NTRK2: variants seen among roughly 807,000 people sequenced by gnomAD.
NTRK2 encodes the protein neurotrophic receptor tyrosine kinase 2.
In NTRK2, 13 loss-of-function variants were observed where a neutral mutation model predicts 94.5. The ratio of observed to expected loss-of-function variants is 0.14; its 90% CI spans 0.09 to 0.22. The LOEUF is 0.22. Ranked by LOEUF, NTRK2 falls within the 10% of genes least tolerant of loss-of-function variation. NTRK2 has a pLI of 1.00. For synonymous variants in NTRK2, 372 were observed against 407.4 expected (o/e 0.91, Z 1.05); for missense variants, 639 against 1,071.2 (o/e 0.60, Z 5.63).
rs112510900 is a variant in NTRK2, at chr9:84,759,380, G to A, written c.1396+7295G>A. 8.1e-3 allele frequency among the ~76,000 whole-genome samples: 1,239 copies of A among 152,352 alleles called. 20 individuals are homozygous for A. Among genetic ancestry groups the A allele is most frequent in the East Asian group, 0.044 (227 of 5,184 alleles). On this transcript the variant is annotated intron_variant, in intron 12 of 18. Transcript: ENST00000277120. ...TTGGCTAGAGTAGCCCAGACAGGAA[G>A]CAAAAGAATCGGCATCTCTGCCTTT...
At chr9:84,942,341 T>G (rs922157157) in intron 15 of NTRK2, among the ~76,000 whole-genome samples, 1 of 152,240 alleles carries the variant, frequency 6.6e-6, no homozygotes, top group Non-Finnish European at 1.5e-5. Context: ...TAGAAAAGAT[T>G]CTGTCGTTAG....
chr9:84,813,995 C>T (rs2072102064), intron 12 of NTRK2: 1 of 1,065,180 alleles, frequency 9.4e-7, no homozygotes, highest in Non-Finnish European at 1.1e-6. Flanking sequence ...AAAGTACAAA[C>T]AGTCTGAGGC....
At chr9:84,739,309 C>A (rs1466312259) in intron 9 of NTRK2, among the ~76,000 whole-genome samples, 1 of 152,190 alleles carries the variant, frequency 6.6e-6, no homozygotes, top group Non-Finnish European at 1.5e-5. Flanking sequence ...CCTTGGCCTC[C>A]CAAAGTGTTG....
chr9:84,771,325 C>T (rs1044360171), intron 12 of NTRK2, among the ~76,000 whole-genome samples: 1 of 152,192 alleles, frequency 6.6e-6, no homozygotes, highest in African/African-American at 2.4e-5. Flanking sequence ...TAGAAAATGA[C>T]TTCCTCGGCC....
chr9:84,795,080 C>T (rs908076008), intron 12 of NTRK2, among the ~76,000 whole-genome samples: 7 of 152,110 alleles, frequency 4.6e-5, no homozygotes, highest in Non-Finnish European at 5.9e-5. Flanking sequence ...TAGTCGTTTC[C>T]AGGTGAATTG....
chr9:84,917,655 C>A (rs970921048), intron 14 of NTRK2, among the ~76,000 whole-genome samples: 4 of 152,156 alleles, frequency 2.6e-5, no homozygotes, highest in Admixed American at 6.5e-5. Flanking sequence ...TTTCCAAGAG[C>A]AGGCAGCCTA....
At chr9:84,957,222 G>A (rs1046439834) in intron 17 of NTRK2, among the ~76,000 whole-genome samples, 1 of 152,202 alleles carries the variant, frequency 6.6e-6, no homozygotes, top group African/African-American at 2.4e-5. Flanking sequence ...TGCAGTATTA[G>A]TAAAGGGTTC....
intron 17 of NTRK2, among the ~76,000 whole-genome samples, chr9:85,004,117 A>G (rs1200057035): frequency 6.7e-6 from 1 of 149,922 alleles, no homozygotes; most frequent in African/African-American, 2.5e-5. Flanking sequence ...GGAGGAAGGG[A>G]GTGAGGAAGG....
At chr9:84,770,410 T>C (rs2066439913) in intron 12 of NTRK2, among the ~76,000 whole-genome samples, 1 of 152,078 alleles carries the variant, frequency 6.6e-6, no homozygotes, top group Admixed American at 6.6e-5. Context: ...GAGGCTGAGA[T>C]TTCACCTGAA....
intron 14 of NTRK2, among the ~76,000 whole-genome samples, chr9:84,914,708 G>A (rs1390627929): frequency 6.6e-6 from 1 of 152,160 alleles, no homozygotes; most frequent in Non-Finnish European, 1.5e-5. Flanking sequence ...TTTGGACAAA[G>A]AGGTCAGAAT....
intron 12 of NTRK2, among the ~76,000 whole-genome samples, chr9:84,783,361 A>C (rs1227217569): frequency 1.3e-5 from 2 of 152,188 alleles, no homozygotes; most frequent in Admixed American, 1.3e-4. Flanking sequence ...TTGATCACTC[A>C]CGTTCTTTAC....
chr9:84,823,667 G>C (rs1587520997), intron 12 of NTRK2, among the ~76,000 whole-genome samples: 1 of 152,186 alleles, frequency 6.6e-6, no homozygotes, highest in Non-Finnish European at 1.5e-5. Context: ...AGGAATGAAA[G>C]CCTAGCGTAC....
intron 2 of NTRK2, among the ~76,000 whole-genome samples, chr9:84,690,298 A>G (rs932580614): frequency 2.6e-5 from 4 of 152,200 alleles, no homozygotes; most frequent in Non-Finnish European, 5.9e-5. Flanking sequence ...TGCTTGACCT[A>G]TCCTGAAGCT....
At chr9:84,829,547 C>T (rs1040586879) in intron 12 of NTRK2, among the ~76,000 whole-genome samples, 6 of 152,126 alleles carry the variant, frequency 3.9e-5, no homozygotes, top group African/African-American at 1.4e-4. Context: ...GCTCTCCAGG[C>T]CTTCTCAGGA....
chr9:84,777,244 A>T (rs1368849730), intron 12 of NTRK2, among the ~76,000 whole-genome samples: 1 of 152,196 alleles, frequency 6.6e-6, no homozygotes, highest in African/African-American at 2.4e-5. Context: ...ATTTTAGTAC[A>T]GAACCTCCTC....
At chr9:84,983,571 T>G (rs1432633393) in intron 17 of NTRK2, among the ~76,000 whole-genome samples, 2 of 152,196 alleles carry the variant, frequency 1.3e-5, no homozygotes, top group Admixed American at 1.3e-4. Context: ...AAGATCTCAG[T>G]GATCAAAAGT....
intron 14 of NTRK2, chr9:84,876,535 C>T (rs199552994): frequency 9.5e-7 from 1 of 1,056,046 alleles, no homozygotes; most frequent in Non-Finnish European, 1.1e-6. Flanking sequence ...AACTCATGTT[C>T]TTACCTTCTA....
chr9:84,719,206 G>A (rs2061903132), intron 6 of NTRK2, among the ~76,000 whole-genome samples: 2 of 152,062 alleles, frequency 1.3e-5, no homozygotes, highest in African/African-American at 4.8e-5. Flanking sequence ...AGGTCTATAT[G>A]TACTCGGACA....
At chr9:84,784,759 A>G (rs1197297468) in intron 12 of NTRK2, among the ~76,000 whole-genome samples, 1 of 152,226 alleles carries the variant, frequency 6.6e-6, no homozygotes, top group Non-Finnish European at 1.5e-5. Context: ...TGTTTAATAA[A>G]TTAATGTTGG....
Sources: allele counts gnomAD v4.1 joint callset (sites outside exome capture counted in the v4.1 genomes callset), GRCh38; gene constraint gnomAD v4.1.1; transcripts MANE v1.5; gene names NCBI Gene and HGNC (gene_info 2026-07-23, HGNC 2026-07-21).